Variants in SPRYD3 observed in about 807,000 individuals in gnomAD.
The protein encoded by SPRYD3 is SPRY domain containing 3, also known as SPRY domain-containing protein 3.
A neutral mutation model predicts 50.1 loss-of-function variants in SPRYD3; 17 were observed. That is an observed-to-expected ratio of 0.34 (90% CI 0.23 to 0.51). SPRYD3 has a LOEUF of 0.51. Ranked by LOEUF, SPRYD3 falls within the 20% of genes least tolerant of loss-of-function variation. SPRYD3 has a pLI of 0.97. For missense variants in SPRYD3, 401 were observed against 591.2 expected, an observed-to-expected ratio of 0.68 and a Z score of 3.34; for synonymous variants, 198 against 215.5, an observed-to-expected ratio of 0.92 and a Z score of 0.71.
rs201934769 is a variant in SPRYD3, at chr12:53,073,479, G to C, written c.508-8C>G. ...CATGATGGTAGAGCCCACCTGCAGTGGGGGGAAAGACGGAGCTGCCACCCG... is the reference window on the plus strand; with the variant it reads ...CATGATGGTAGAGCCCACCTGCAGTCGGGGGAAAGACGGAGCTGCCACCCG... On this transcript the variant is annotated splice_polypyrimidine_tract_variant and splice_region_variant and intron_variant, in intron 5 of 10. Coordinates refer to ENST00000301463, the MANE Select transcript of SPRYD3 (RefSeq NM_032840.3). 60 of 1,521,902 alleles carry C rather than the reference G, an allele frequency of 3.9e-5. No homozygotes were observed. In the East Asian group the frequency reaches 1.0e-3, roughly 26 times the overall value. 94.3% of individuals were successfully genotyped at this position (1,521,902 alleles called of 1,614,324 possible).
Position 53,067,641 on chromosome 12 carries a change from T to G in SPRYD3, c.901+7A>C. 1 of 1,613,936 alleles carries G rather than the reference T, an allele frequency of 6.2e-7. No individual in the cohort carries two copies. Among genetic ancestry groups the G allele is most frequent in the Non-Finnish European group, 8.5e-7 (1 of 1,179,852 alleles). The stretch of plus-strand genomic sequence containing the variant: ...ATCCCACCTTTCCCAGGCAGCCCGC[T>G]ATTCACCTGCATGATAAGCCACAGA... On this transcript the variant is annotated splice_region_variant and intron_variant, in intron 8 of 10. Transcript: ENST00000301463.
At chr12:53,077,616 T>C (rs537601875) in intron 1 of SPRYD3, among the ~76,000 whole-genome samples, 8 of 152,296 alleles carry the variant, frequency 5.3e-5, no homozygotes, top group African/African-American at 1.9e-4. Context: ...AGAGGCGGTC[T>C]CTCTGAGGAG....
At chr12:53,073,256 G>GCCCCCGGGGGGGGGCCCCCC in intron 6 of SPRYD3, 30 bp downstream of exon 6, 1 of 424,134 alleles carries the variant, frequency 2.4e-6, no homozygotes, top group Non-Finnish European at 4.4e-6. Context: ...CTCCGACCCA[G>GCCCCCGGGGGGGGGCCCCCC]CCCCTCCCAC....
rs1243475096 is a variant in SPRYD3, at chr12:53,073,400, C to T, written c.579G>A (p.Glu193=). ...CAGCGTTGAGGTGCAGCCGCACCTC[C>T]TCACCCAGGGAGTGCATGCCCACTG... is the stretch of plus-strand genomic sequence containing the variant. ...FPAVGMHSLG[E]EVRLHLNAEL... is the part of the protein sequence containing the mutation. Residue 193 remains glutamate (E), a synonymous_variant, in exon 6 of 11, where the codon GAG becomes GAA. Coordinates refer to ENST00000301463, the MANE Select transcript of SPRYD3 (RefSeq NM_032840.3). 1.3e-6 allele frequency: 2 copies of T among 1,581,444 alleles called. No individual in the cohort carries two copies.
Position 53,075,802 on chromosome 12 carries a change from T to G in SPRYD3, c.180A>C (p.Gly60=), listed in dbSNP as rs767984703. The G allele has an allele frequency of 6.2e-7, 1 of 1,613,744 alleles. No homozygotes were observed. The highest frequency in any genetic ancestry group is 2.2e-5 in the East Asian group (1 of 44,888). ...LVDGDTLSYH[G]NSGEVGCYVA... is the part of the protein sequence containing the mutation. Reference sequence around the variant, plus strand: ...CGTAGCAGCCAACTTCACCAGAGTTTCCATGATAACTGAAGGAGGAATGAG... The same window carrying G: ...CGTAGCAGCCAACTTCACCAGAGTTGCCATGATAACTGAAGGAGGAATGAG... Residue 60 remains glycine, a synonymous_variant, in exon 3 of 11, where the codon GGA becomes GGC. Transcript: ENST00000301463.
At chr12:53,073,256 G>GGCCCCGGGGGGGGGGGGGGGGGC in intron 6 of SPRYD3, 30 bp downstream of exon 6, 6 of 424,134 alleles carry the variant, frequency 1.4e-5, no homozygotes, top group East Asian at 3.8e-5. Context: ...CTCCGACCCA[G>GGCCCCGGGGGGGGGGGGGGGGGC]CCCCTCCCAC....
intron 1 of SPRYD3, among the ~76,000 whole-genome samples, chr12:53,078,916 G>A (rs1565619455): frequency 6.6e-6 from 1 of 152,168 alleles, no homozygotes; most frequent in Non-Finnish European, 1.5e-5. Context: ...CCACCACGTG[G>A]CCCAGAAGAG....
At chr12:53,072,084 C>G (rs956455105) in intron 6 of SPRYD3, among the ~76,000 whole-genome samples, 1 of 152,212 alleles carries the variant, frequency 6.6e-6, no homozygotes, top group African/African-American at 2.4e-5. Flanking sequence ...CAGGAAAAAA[C>G]TCTTGAGGAG....
chr12:53,076,340 G>T (rs369940479), intron 2 of SPRYD3, among the ~76,000 whole-genome samples: 1 of 152,210 alleles, frequency 6.6e-6, no homozygotes, highest in Non-Finnish European at 1.5e-5. Flanking sequence ...AAGGAGTCAG[G>T]GAAGGGGTTC....
At chr12:53,071,876 T>G (rs1944552277) in intron 6 of SPRYD3, among the ~76,000 whole-genome samples, 1 of 151,912 alleles carries the variant, frequency 6.6e-6, no homozygotes, top group South Asian at 2.1e-4. Context: ...GGTGAGGGTC[T>G]GAGAGAAGGG....
chr12:53,078,649 G>GTC, intron 1 of SPRYD3, among the ~76,000 whole-genome samples: 2 of 152,176 alleles, frequency 1.3e-5, no homozygotes, highest in Non-Finnish European at 2.9e-5. Flanking sequence ...CGGTAGCAGC[G>GTC]CCGATGGATG....
intron 3 of SPRYD3, 95 bp from the exon 4 acceptor site, chr12:53,075,314 G>A (rs1359992098): frequency 1.5e-6 from 2 of 1,350,744 alleles, no homozygotes; most frequent in African/African-American, 1.5e-5. Flanking sequence ...AAAGGGCGCT[G>A]AGGCTCAAAA....
At chr12:53,079,179 A>G (rs979458148) in intron 1 of SPRYD3, 132 bp downstream of exon 1, 4 of 959,314 alleles carry the variant, frequency 4.2e-6, no homozygotes, top group Non-Finnish European at 6.3e-6. Flanking sequence ...GTGCAGCAAC[A>G]GAAGAAGCCC....
At chr12:53,073,256 G>GCCCCGGGGGGGGGGC in intron 6 of SPRYD3, 30 bp downstream of exon 6, 2 of 424,134 alleles carry the variant, frequency 4.7e-6, no homozygotes, top group Admixed American at 4.2e-5. Context: ...CTCCGACCCA[G>GCCCCGGGGGGGGGGC]CCCCTCCCAC....
rs771971745 is a variant in SPRYD3 at position 53,066,561 on chromosome 12, T to C, written c.1021+12A>G. ...CCCAAGCAGCCTGGCTGGCCACCCC[T>C]ACCCCACTCACCCTCACTGTCCAAA... On this transcript the variant is annotated intron_variant, in intron 9 of 10. Coordinates refer to ENST00000301463, the MANE Select transcript of SPRYD3 (RefSeq NM_032840.3). 6.2e-7 allele frequency: 1 copy of C among 1,613,780 alleles called. No individual in the cohort carries two copies. The highest frequency in any genetic ancestry group is 1.7e-5 in the Admixed American group (1 of 59,972).
At chr12:53,066,518 T>C (rs1944509747) in intron 9 of SPRYD3, 32 bp from the exon 10 acceptor site, 4 of 1,614,020 alleles carry the variant, frequency 2.5e-6, no homozygotes, top group Non-Finnish European at 2.5e-6. Flanking sequence ...GCTCCTGTGG[T>C]GCCTTTCCAC....
chr12:53,075,828 G>C lies in SPRYD3; in HGVS notation c.171-17C>G, dbSNP rs372940874. 128 of 1,610,128 alleles carry C rather than the reference G, an allele frequency of 7.9e-5. No individual in the cohort carries two copies. The highest frequency in any genetic ancestry group is 1.0e-4 in the Non-Finnish European group (119 of 1,176,596). The stretch of plus-strand genomic sequence containing the variant: ...CCATGATAACTGAAGGAGGAATGAG[G>C]GGGGAATTCCATTAGCAGCCTAGCC... On this transcript the variant is annotated splice_polypyrimidine_tract_variant and intron_variant, in intron 2 of 10. Transcript: ENST00000301463.
At chr12:53,072,771 T>TTATC (rs1162365162) in intron 6 of SPRYD3, among the ~76,000 whole-genome samples, 1 of 152,230 alleles carries the variant, frequency 6.6e-6, no homozygotes, top group African/African-American at 2.4e-5. Flanking sequence ...CACTGAATCT[T>TTATC]TATCTGCCTC....
rs1010091582 is a variant in SPRYD3 at position 53,066,311 on chromosome 12, C to T, written c.1194+3G>A. 1.2e-6 allele frequency: 2 copies of T among 1,613,190 alleles called. No homozygotes were observed. The highest frequency in any genetic ancestry group is 1.1e-5 in the South Asian group (1 of 90,834). On this transcript the variant is annotated splice_donor_region_variant and intron_variant, in intron 10 of 10. Coordinates refer to ENST00000301463, the MANE Select transcript of SPRYD3 (RefSeq NM_032840.3). ...GGTCCCACCTCAAACTCTCCGTACT[C>T]ACCACCACCTTCCTGCCCTCATGCT...
Sources: allele counts gnomAD v4.1 joint callset (sites outside exome capture counted in the v4.1 genomes callset), GRCh38; gene constraint gnomAD v4.1.1; transcripts MANE v1.5; gene names NCBI Gene and HGNC (gene_info 2026-07-23, HGNC 2026-07-21).